Variants in MEI4 observed in about 807,000 individuals in gnomAD.
MEI4 encodes meiotic double-stranded break formation protein 4.
MEI4 carries 27 observed loss-of-function variants against 31.4 expected under a neutral mutation model. That is an observed-to-expected ratio of 0.86 (90% CI 0.63 to 1.19). The LOEUF (loss-of-function observed/expected upper bound fraction) is 1.19, where lower values mean the gene tolerates loss of function less well. MEI4 is among the 50% of genes most tolerant of loss of function. MEI4 has a pLI of 0.00. For missense variants in MEI4, 329 were observed against 398.9 expected (o/e 0.82, Z 1.49); for synonymous variants, 122 against 145.4 (o/e 0.84, Z 1.16).
chr6:77,739,105 T>G (rs959891322), intron 2 of MEI4, among the ~76,000 whole-genome samples: 4 of 152,234 alleles, frequency 2.6e-5, no homozygotes, highest in African/African-American at 9.6e-5. Flanking sequence ...TTCATCAATT[T>G]TGGCTTTTGT....
chr6:77,866,311 G>A (rs1289840119), intron 4 of MEI4, among the ~76,000 whole-genome samples: 1 of 152,142 alleles, frequency 6.6e-6, no homozygotes. Context: ...CAGATGACAT[G>A]ATTGTATATC....
chr6:77,868,514 T>TATATATATAC (rs1554170581), intron 4 of MEI4, among the ~76,000 whole-genome samples: 1 of 129,670 alleles, frequency 7.7e-6, no homozygotes, highest in African/African-American at 3.1e-5. Context: ...TATATATATA[T>TATATATATAC]ATATATATAT....
intron 1 of MEI4, among the ~76,000 whole-genome samples, chr6:77,677,349 C>T (rs993048838): frequency 3.9e-5 from 6 of 152,142 alleles, no homozygotes; most frequent in African/African-American, 9.7e-5. Context: ...AGGTAAGAAA[C>T]GTGGCACTAG....
intron 4 of MEI4, among the ~76,000 whole-genome samples, chr6:77,837,995 T>C (rs1345417399): frequency 6.6e-6 from 1 of 152,094 alleles, no homozygotes; most frequent in Non-Finnish European, 1.5e-5. Context: ...TTTTTGGGGG[T>C]CTCATGAGGT....
At chr6:77,734,882 CT>C (rs1445959827) in intron 2 of MEI4, among the ~76,000 whole-genome samples, 1 of 151,696 alleles carries the variant, frequency 6.6e-6, no homozygotes, top group African/African-American at 2.4e-5. Context: ...TTTATTTCTC[CT>C]TCACTTATGA....
At chr6:77,805,999 A>T (rs11756049) in intron 3 of MEI4, among the ~76,000 whole-genome samples, 1 of 151,998 alleles carries the variant, frequency 6.6e-6, no homozygotes, top group African/African-American at 2.4e-5. Context: ...GAGAAGAGGG[A>T]TGAAAATAAC....
At chr6:77,660,764 G>A (rs1399400069) in intron 1 of MEI4, among the ~76,000 whole-genome samples, 8 of 152,168 alleles carry the variant, frequency 5.3e-5, no homozygotes, top group South Asian at 2.1e-4. Context: ...CTGGCTGTCC[G>A]ATGGACACAG....
chr6:77,778,282 T>C (rs1768506713), intron 3 of MEI4, among the ~76,000 whole-genome samples: 1 of 151,726 alleles, frequency 6.6e-6, no homozygotes, highest in South Asian at 2.1e-4. Context: ...TACAGGTAAA[T>C]ACAAAAACAA....
In MEI4 at chr6:77,797,262, T is replaced by C. The variant is rs567660594; in HGVS notation, c.769-31669T>C. On this transcript the variant is annotated intron_variant, in intron 3 of 4. Coordinates refer to ENST00000684080, the MANE Select transcript of MEI4 (RefSeq NM_001322247.2). ...TTATAAGAAAGCATAGGAAAAAAGT[T>C]CTTTGACATTGGTCTTGGCAGTGAT... Among the ~76,000 whole-genome samples the C allele has an allele frequency of 1.6e-4, 25 of 152,256 alleles. No homozygotes were observed. In the South Asian group the frequency reaches 5.2e-3, roughly 32 times the overall value.
intron 2 of MEI4, among the ~76,000 whole-genome samples, chr6:77,706,112 T>C (rs1035533417): frequency 3.3e-5 from 5 of 152,142 alleles, no homozygotes; most frequent in African/African-American, 4.8e-5. Flanking sequence ...GAAACTAGAA[T>C]TATTTTTCCC....
intron 2 of MEI4, among the ~76,000 whole-genome samples, chr6:77,739,271 G>A (rs768950748): frequency 2.6e-5 from 4 of 152,080 alleles, no homozygotes; most frequent in South Asian, 4.1e-4. Context: ...TAGGTTTAAG[G>A]AAGAGGTCCA....
intron 1 of MEI4, among the ~76,000 whole-genome samples, chr6:77,663,107 C>CAT (rs1473367951): frequency 6.6e-6 from 1 of 152,200 alleles, no homozygotes; most frequent in Admixed American, 6.5e-5. Flanking sequence ...GGTTTGGCAC[C>CAT]ATGGGGTGGA....
At chr6:77,779,965 G>T (rs112576206) in intron 3 of MEI4, among the ~76,000 whole-genome samples, 1 of 152,120 alleles carries the variant, frequency 6.6e-6, no homozygotes, top group East Asian at 1.9e-4. Flanking sequence ...CAAATGGATG[G>T]GTATTGGAAA....
At chr6:77,667,447 C>T (rs1768660760) in intron 1 of MEI4, among the ~76,000 whole-genome samples, 1 of 152,136 alleles carries the variant, frequency 6.6e-6, no homozygotes, top group Non-Finnish European at 1.5e-5. Flanking sequence ...TTCTGTGATT[C>T]CTTACCTGGA....
At chr6:77,753,529 T>C (rs1392445828) in intron 2 of MEI4, among the ~76,000 whole-genome samples, 1 of 152,058 alleles carries the variant, frequency 6.6e-6, no homozygotes, top group African/African-American at 2.4e-5. Flanking sequence ...ATTAGAGAAA[T>C]GCAAATCAAA....
Position 77,847,817 on chromosome 6 carries a change from TTGAA to T in MEI4, c.900+18759_900+18762del, listed in dbSNP as rs1435303929. Among the ~76,000 whole-genome samples the T allele has an allele frequency of 1.3e-5, 2 of 152,174 alleles. No individual in the cohort carries two copies. Among genetic ancestry groups the T allele is most frequent in the African/African-American group, 2.4e-5 (1 of 41,462 alleles). ...ACTCACCTATGAAAGAATGTGTTGA[TTGAA>T]TGAGGATTTTCACTTTAAATAAAAT... On this transcript the variant is annotated intron_variant, in intron 4 of 4. Coordinates refer to ENST00000684080, the MANE Select transcript of MEI4 (RefSeq NM_001322247.2). The surrounding 1 kb of genome is among the most constrained non-coding windows in gnomAD (Gnocchi z 4.6).
intron 4 of MEI4, among the ~76,000 whole-genome samples, chr6:77,919,759 A>G (rs2127742194): frequency 6.7e-6 from 1 of 150,200 alleles, no homozygotes; most frequent in Admixed American, 6.7e-5. Flanking sequence ...TAGCAAGACT[A>G]ATAAAGAAAA....
At chr6:77,805,824 A>G (rs941729854) in intron 3 of MEI4, among the ~76,000 whole-genome samples, 1 of 151,744 alleles carries the variant, frequency 6.6e-6, no homozygotes, top group Non-Finnish European at 1.5e-5. Flanking sequence ...TAATCATTTC[A>G]TTCTGTAGCA....
At chr6:77,745,686 C>A (rs2127675049) in intron 2 of MEI4, among the ~76,000 whole-genome samples, 1 of 152,240 alleles carries the variant, frequency 6.6e-6, no homozygotes, top group East Asian at 1.9e-4. Context: ...AGCACCACAC[C>A]ACACCTATTC....
Sources: gnomAD v4.1 joint callset for allele counts (sites outside exome capture counted in the v4.1 genomes callset) on GRCh38, gnomAD v4.1.1 for gene constraint, Gnocchi (gnomAD v3.1) non-coding constraint, MANE v1.5 for transcripts, NCBI Gene and HGNC (gene_info 2026-07-23, HGNC 2026-07-21) for gene names.